WASF2: variants seen among roughly 807,000 people sequenced by gnomAD.
WASF2 encodes the protein actin-binding protein WASF2.
In WASF2, 14 loss-of-function variants were observed where a neutral mutation model predicts 45.0. That is an observed-to-expected ratio of 0.31 (90% CI 0.21 to 0.49). WASF2 has a LOEUF of 0.49. WASF2 is among the 20% of genes least tolerant of loss of function. The probability of loss-of-function intolerance (pLI) is 0.99; values close to 1 mark genes in which losing one functional copy is unlikely to be tolerated. For missense variants in WASF2, 439 were observed against 636.1 expected (o/e 0.69, Z 3.33); for synonymous variants, 200 against 236.3 (o/e 0.85, Z 1.41).
Position 27,432,327 on chromosome 1 carries a change from A to T in WASF2, c.-43-3394T>A, listed in dbSNP as rs1484992799. Among the ~76,000 whole-genome samples, 3 of 152,176 alleles carry T rather than the reference A, an allele frequency of 2.0e-5. No homozygotes were observed. The East Asian group carries it at 5.8e-4, about 29-fold the overall frequency. ...AGACATTAAATAATATATATAAAAT[A>T]AAAAACCCACTACAGGGCTTTTAAA... On this transcript the variant is annotated intron_variant, in intron 1 of 8. Transcript: ENST00000618852.
At chr1:27,443,307 TAAAAAA>T (rs77018071) in intron 1 of WASF2, among the ~76,000 whole-genome samples, 1 of 53,328 alleles carries the variant, frequency 1.9e-5, no homozygotes, top group African/African-American at 7.1e-5. Flanking sequence ...CACCGTCTCT[TAAAAAA>T]AAAAAAAAAA....
Position 27,460,939 on chromosome 1 carries a change from C to A in WASF2, c.-44+29047G>T, listed in dbSNP as rs569459085. Among the ~76,000 whole-genome samples the A allele has an allele frequency of 2.0e-5, 3 of 152,166 alleles. No individual in the cohort carries two copies. The South Asian group carries it at 6.2e-4, about 32-fold the overall frequency. On this transcript the variant is annotated intron_variant, in intron 1 of 8. Coordinates refer to ENST00000618852, the MANE Select transcript of WASF2 (RefSeq NM_006990.5). ...GGATTACGAGGTCAGGAGATCGAGA[C>A]CATCCTGGCTAACACAGTGAAACTC...
intron 1 of WASF2, among the ~76,000 whole-genome samples, chr1:27,473,380 T>C (rs2017719410): frequency 7.0e-6 from 1 of 142,032 alleles, no homozygotes; most frequent in East Asian, 2.0e-4. Flanking sequence ...CTCGGGAGGC[T>C]GAGGTTGCAG....
Position 27,419,029 on chromosome 1 carries a change from G to C in WASF2, c.190C>G (p.Arg64Gly). The C allele has an allele frequency of 6.2e-7, 1 of 1,614,074 alleles. No individual in the cohort carries two copies. The highest frequency in any genetic ancestry group is 8.5e-7 in the Non-Finnish European group (1 of 1,180,004). Residue 64 changes from arginine (R) to glycine (G), a missense_variant, in exon 3 of 9, where the codon CGG becomes GGG. Physicochemically the swap from Arg to Gly is moderately radical, Grantham distance 125 (BLOSUM62 -2). Around this residue, in one of 5 missense-constraint regions of WASF2, gnomAD observed 98 missense variants for 120.7 expected, o/e 0.81. Transcript: ENST00000618852. ...ACCCTCTCAGCAAGGGAGCTTACCC[G>C]AGAGGCAAAGGTATTTGCCTGAGTA... ...LFTQANTFAS[R>G]VSSLAERVDR...
intron 1 of WASF2, 66 bp from the exon 2 acceptor site, chr1:27,428,999 ATCTT>A: frequency 5.0e-6 from 6 of 1,198,040 alleles, no homozygotes; most frequent in Middle Eastern, 3.0e-4. Flanking sequence ...GGCTGTGTGA[ATCTT>A]TTTTTTTTTT....
chr1:27,475,313 C>T (rs1557621445), intron 1 of WASF2, among the ~76,000 whole-genome samples: 1 of 152,080 alleles, frequency 6.6e-6, no homozygotes, highest in Admixed American at 6.6e-5. Flanking sequence ...TGGCTCCTAC[C>T]CATCTCTCCA....
chr1:27,412,461 T>A, intron 7 of WASF2, 111 bp downstream of exon 7: 1 of 1,440,750 alleles, frequency 6.9e-7, no homozygotes, highest in Non-Finnish European at 9.6e-7. Context: ...TCCCACCACC[T>A]TGGCCTCCCA....
Position 27,409,986 on chromosome 1 carries a change from G to C in WASF2, c.1045C>G (p.Pro349Ala). Residue 349 changes from proline to alanine, a missense_variant, in exon 8 of 9, where the codon CCA (proline) becomes GCA (alanine). Pro to Ala is a conservative substitution (Grantham distance 27). Around this residue, in one of 5 missense-constraint regions of WASF2, gnomAD observed 286 missense variants for 373.5 expected, o/e 0.77. Coordinates refer to ENST00000618852, the MANE Select transcript of WASF2 (RefSeq NM_006990.5). ...VGFGSPGTPP[P>A]PSPPSFPPHP... ...GGTGGGAAAGATGGGGGTGAGGGTG[G>C]TGGAGGCGTCCCTGGAGACCCAAAT... 1.2e-6 allele frequency: 2 copies of C among 1,613,760 alleles called. No homozygotes were observed. Among genetic ancestry groups the C allele is most frequent in the Non-Finnish European group, 1.7e-6 (2 of 1,179,922 alleles).
chr1:27,416,353 AG>A (rs1317348959), intron 4 of WASF2, among the ~76,000 whole-genome samples: 1 of 152,206 alleles, frequency 6.6e-6, no homozygotes, highest in Non-Finnish European at 1.5e-5. Context: ...TGTCAGGGCA[AG>A]TACAGGTGAT....
chr1:27,436,584 T>C (rs1035316962), intron 1 of WASF2, among the ~76,000 whole-genome samples: 15 of 152,372 alleles, frequency 9.8e-5, no homozygotes, highest in South Asian at 6.2e-4. Context: ...AATTTAAGTC[T>C]GTATATTAAA....
At chr1:27,417,771 T>C (rs1442166579) in intron 4 of WASF2, among the ~76,000 whole-genome samples, 1 of 152,230 alleles carries the variant, frequency 6.6e-6, no homozygotes, top group African/African-American at 2.4e-5. Flanking sequence ...AGAATGCGAA[T>C]TACTCCTTAA....
intron 1 of WASF2, among the ~76,000 whole-genome samples, chr1:27,445,689 G>C (rs1279919660): frequency 6.6e-6 from 1 of 152,144 alleles, no homozygotes; most frequent in African/African-American, 2.4e-5. Flanking sequence ...GATAACATGT[G>C]CAGATGCTAC....
intron 1 of WASF2, among the ~76,000 whole-genome samples, chr1:27,432,581 G>C (rs1006459539): frequency 1.5e-5 from 2 of 135,122 alleles, no homozygotes; most frequent in Non-Finnish European, 3.1e-5. Flanking sequence ...CTGGGAGGCG[G>C]AGCTTGCAGT....
chr1:27,482,039 T>C (rs1338292720), intron 1 of WASF2, among the ~76,000 whole-genome samples: 1 of 152,234 alleles, frequency 6.6e-6, no homozygotes, highest in Non-Finnish European at 1.5e-5. Context: ...AGTTAAGAAG[T>C]GTGTTTCATT....
intron 5 of WASF2, among the ~76,000 whole-genome samples, 171 bp downstream of exon 5, chr1:27,415,814 A>G (rs2474288): frequency 0.76 from 115,876 of 152,124 alleles, 47,098 homozygotes; most frequent in Non-Finnish European, 0.9. Flanking sequence ...GGTATGATTT[A>G]TACTTTCATC....
At chr1:27,455,015 GT>G (rs1335913716) in intron 1 of WASF2, among the ~76,000 whole-genome samples, 1 of 152,098 alleles carries the variant, frequency 6.6e-6, no homozygotes, top group Non-Finnish European at 1.5e-5. Context: ...CACAGGGCAT[GT>G]ACATCTTTAA....
chr1:27,487,014 TTATA>T (rs1339595975), intron 1 of WASF2, among the ~76,000 whole-genome samples: 2 of 147,394 alleles, frequency 1.4e-5, no homozygotes, highest in East Asian at 1.9e-4. Flanking sequence ...CATTTATATA[TTATA>T]TATAAATTTT....
intron 7 of WASF2, among the ~76,000 whole-genome samples, chr1:27,411,243 A>G (rs957642354): frequency 3.3e-5 from 5 of 152,246 alleles, no homozygotes; most frequent in Non-Finnish European, 7.3e-5. Context: ...CAAAGCTCTC[A>G]TTTATCAGGC....
chr1:27,406,625 G>A lies in WASF2; in HGVS notation c.*1564C>T, dbSNP rs1253988318. ...AGGCTACACAATAGTTAGGGCAGAA[G>A]AAAAGAAACCTCACTGTTGGCTAGA... On this transcript the variant is annotated 3_prime_UTR_variant, in exon 9 of 9. Coordinates refer to ENST00000618852, the MANE Select transcript of WASF2 (RefSeq NM_006990.5). 6.6e-6 allele frequency: 1 copy of A among 151,208 alleles called. No homozygotes were observed. Among genetic ancestry groups the A allele is most frequent in the African/African-American group, 2.4e-5 (1 of 41,250 alleles). 9.4% of individuals were successfully genotyped at this position (151,208 alleles called of 1,614,324 possible).
Sources: allele counts gnomAD v4.1 joint callset (sites outside exome capture counted in the v4.1 genomes callset), GRCh38; gene constraint gnomAD v4.1.1; regional missense constraint gnomAD v4.1.1; transcripts MANE v1.5; gene names NCBI Gene and HGNC (gene_info 2026-07-23, HGNC 2026-07-21).